Variants in BPTF observed in about 807,000 individuals in gnomAD.
The protein encoded by BPTF is bromodomain PHD finger transcription factor, also known as nucleosome-remodeling factor subunit BPTF.
Under a neutral mutation model 292.5 loss-of-function variants are expected in BPTF, and 18 were observed. The ratio of observed to expected loss-of-function variants is 0.06; its 90% CI spans 0.04 to 0.09. The LOEUF is 0.09. Among genes scored for constraint, BPTF ranks in the 10% least tolerant of loss-of-function variants. BPTF has a pLI of 1.00. For missense variants in BPTF, 2,726 were observed against 3,498.7 expected (o/e 0.78, Z 5.57); for synonymous variants, 1,225 against 1,251.9 (o/e 0.98, Z 0.45).
At position 67,958,793 on chromosome 17, in the gene BPTF, C is replaced by T. The variant is rs541237635; in HGVS notation, c.7927-748C>T. Among the ~76,000 whole-genome samples the T allele has an allele frequency of 9.2e-5, 14 of 151,704 alleles. No homozygotes were observed. In the South Asian group the frequency reaches 2.9e-3, roughly 32 times the overall value. On this transcript the variant is annotated intron_variant, in intron 23 of 27. Coordinates refer to ENST00000306378, the MANE Select transcript of BPTF (RefSeq NM_182641.4). ...CAGCCTGGCCAACATGGCGAAACCC[C>T]GTTTCTACTAAAAATACAAAAAAAT...
intron 27 of BPTF, 59 bp downstream of exon 27, chr17:67,976,017 T>A: frequency 7.3e-7 from 1 of 1,361,958 alleles, no homozygotes; most frequent in Non-Finnish European, 1.0e-6. Context: ...TTTATACTAT[T>A]CTGTCTAACG....
intron 2 of BPTF, among the ~76,000 whole-genome samples, chr17:67,863,605 T>A (rs1449961366): frequency 6.6e-6 from 1 of 152,220 alleles, no homozygotes; most frequent in Non-Finnish European, 1.5e-5. Flanking sequence ...TTTCTATGTG[T>A]CACCTTGGGT....
At chr17:67,962,402 G>GT (rs782640519) in intron 24 of BPTF, among the ~76,000 whole-genome samples, 10 of 152,316 alleles carry the variant, frequency 6.6e-5, no homozygotes, top group South Asian at 2.1e-4. Context: ...GACACACTGT[G>GT]TAAGCGTTTG....
chr17:67,982,419 C>A lies in BPTF; in HGVS notation c.*131C>A. ...TGACCTAAACTTCGTTTTTATTGGT[C>A]ATAACAGTCCAATTATATTCTTGGC... On this transcript the variant is annotated 3_prime_UTR_variant, in exon 28 of 28. Coordinates refer to ENST00000306378, the MANE Select transcript of BPTF (RefSeq NM_182641.4). The A allele has an allele frequency of 2.7e-6, 2 of 736,492 alleles. No homozygotes were observed. Among genetic ancestry groups the A allele is most frequent in the Admixed American group, 3.4e-5 (1 of 29,646 alleles). 45.6% of individuals were successfully genotyped at this position (736,492 alleles called of 1,614,324 possible).
chr17:67,889,792 G>C (rs564133807), intron 4 of BPTF, among the ~76,000 whole-genome samples: 1 of 152,084 alleles, frequency 6.6e-6, no homozygotes, highest in Non-Finnish European at 1.5e-5. Context: ...TGGGCGACAA[G>C]AGCGAAACTC....
At chr17:67,850,185 T>C (rs1310099919) in intron 1 of BPTF, among the ~76,000 whole-genome samples, 3 of 152,214 alleles carry the variant, frequency 2.0e-5, no homozygotes, top group African/African-American at 7.2e-5. Context: ...ATTTAATAGC[T>C]TATTATATGC....
chr17:67,966,510 C>A, intron 25 of BPTF, 62 bp from the exon 26 acceptor site: 1 of 1,478,544 alleles, frequency 6.8e-7, no homozygotes, highest in South Asian at 1.2e-5. Flanking sequence ...GTAACTCAAC[C>A]AGGAAACTTA....
rs943348736 is a variant in BPTF, at chr17:67,917,131, C to CTTTTTTT, written c.5304-1570_5304-1564dup. Among the ~76,000 whole-genome samples the CTTTTTTT allele has an allele frequency of 1.7e-3, 185 of 105,752 alleles. 7 individuals carry two copies. Among genetic ancestry groups the CTTTTTTT allele is most frequent in the East Asian group, 0.013 (31 of 2,442 alleles). The allele number at this position is 105,752 out of a possible 152,430, so 69.4% of individuals were successfully genotyped here. A position where few individuals can be genotyped will look rare whatever the true frequency, so the allele number is the denominator to read the frequency against. On this transcript the variant is annotated intron_variant, in intron 11 of 27. Transcript: ENST00000306378. The stretch of plus-strand genomic sequence containing the variant: ...GATAAGTAACTAATATGGTATTGTC[C>CTTTTTTT]TTTTTTTTTTTTTTTTTTTGAGATA...
chr17:67,914,821 A>G (rs1248060085), intron 11 of BPTF, among the ~76,000 whole-genome samples: 2 of 152,090 alleles, frequency 1.3e-5, no homozygotes, highest in Non-Finnish European at 2.9e-5. Context: ...TACAGTTTAT[A>G]TTACTTGATT....
In BPTF at chr17:67,944,245, C is replaced by T. The variant is rs781802035; in HGVS notation, c.6573C>T (p.Gly2191=). 98 of 1,614,092 alleles carry T rather than the reference C, an allele frequency of 6.1e-5. No individual in the cohort carries two copies. The South Asian group carries it at 9.8e-4, about 16-fold the overall frequency. The change falls in exon 20 of 28, where the codon GGC becomes GGT. Residue 2191 remains glycine (G), a synonymous_variant. Coordinates refer to ENST00000306378, the MANE Select transcript of BPTF (RefSeq NM_182641.4). ...LIPQGVTVLP[G]PGQQLMQAAM... ...CTCAAGGGGTGACTGTACTCCCAGGCCCAGGCCAGCAGCTAATGCAAGCTG... is the reference window on the plus strand; with the variant it reads ...CTCAAGGGGTGACTGTACTCCCAGGTCCAGGCCAGCAGCTAATGCAAGCTG...
At chr17:67,919,453 G>T (rs780833185) in intron 12 of BPTF, among the ~76,000 whole-genome samples, 1 of 152,140 alleles carries the variant, frequency 6.6e-6, no homozygotes, top group African/African-American at 2.4e-5. Context: ...GGGCCAGGAG[G>T]ATTGCTTGAG....
intron 18 of BPTF, among the ~76,000 whole-genome samples, chr17:67,939,784 G>A (rs938988933): frequency 6.6e-6 from 1 of 152,202 alleles, no homozygotes; most frequent in African/African-American, 2.4e-5. Flanking sequence ...GGAGGCTCAG[G>A]CAGGAGAATC....
intron 18 of BPTF, among the ~76,000 whole-genome samples, chr17:67,937,390 AAAAG>A (rs1306723751): frequency 5.3e-5 from 8 of 151,822 alleles, no homozygotes; most frequent in East Asian, 1.9e-4. Context: ...TCAAAAAAAA[AAAAG>A]AAAGAAAAGT....
intron 5 of BPTF, 34 bp downstream of exon 5, chr17:67,892,068 G>A (rs2061151354): frequency 6.9e-7 from 1 of 1,446,524 alleles, no homozygotes. Flanking sequence ...AAAATCTGTG[G>A]AATGTGAGAT....
intron 12 of BPTF, 83 bp from the exon 13 acceptor site, chr17:67,919,932 T>C (rs947912519): frequency 7.3e-7 from 1 of 1,367,192 alleles, no homozygotes; most frequent in Non-Finnish European, 1.0e-6. Context: ...CACGTGTGTC[T>C]CTTTTTGAAA....
At chr17:67,835,461 G>T (rs2057049602) in intron 1 of BPTF, among the ~76,000 whole-genome samples, 1 of 152,124 alleles carries the variant, frequency 6.6e-6, no homozygotes, top group African/African-American at 2.4e-5. Flanking sequence ...TGCACAGCTT[G>T]GGTAGCCCCA....
At chr17:67,901,263 C>G (rs1306103272) in intron 7 of BPTF, among the ~76,000 whole-genome samples, 1 of 151,276 alleles carries the variant, frequency 6.6e-6, no homozygotes, top group African/African-American at 2.4e-5. Flanking sequence ...TCACTTAGAT[C>G]TCTGCCTTAG....
At chr17:67,977,857 A>ATT (rs2069720998) in intron 27 of BPTF, 1 of 149,234 alleles carries the variant, frequency 6.7e-6, no homozygotes, top group Admixed American at 6.7e-5. Flanking sequence ...AAAAAAAAGT[A>ATT]TCTTTTTTTT....
At chr17:67,827,824 C>T (rs1041367066) in intron 1 of BPTF, among the ~76,000 whole-genome samples, 4 of 152,028 alleles carry the variant, frequency 2.6e-5, no homozygotes, top group African/African-American at 7.3e-5. Flanking sequence ...CAGTCTTGTC[C>T]GGGGCAGGCT....
Sources: allele counts gnomAD v4.1 joint callset (sites outside exome capture counted in the v4.1 genomes callset), GRCh38; gene constraint gnomAD v4.1.1; transcripts MANE v1.5; gene names NCBI Gene and HGNC (gene_info 2026-07-23, HGNC 2026-07-21).